Variants in UBXN2A observed in about 807,000 individuals in gnomAD.
The protein encoded by UBXN2A is UBX domain-containing protein 2A.
Under a neutral mutation model 28.4 loss-of-function variants are expected in UBXN2A, and 28 were observed. The ratio of observed to expected loss-of-function variants is 0.99; its 90% CI spans 0.73 to 1.35. The LOEUF is 1.35. Among genes scored for constraint, UBXN2A ranks in the 40% most tolerant of loss-of-function variants. UBXN2A has a pLI of 0.00. For synonymous variants in UBXN2A, 97 were observed against 103.6 expected (o/e 0.94, Z 0.39); for missense variants, 253 against 297.9 (o/e 0.85, Z 1.11).
intron 2 of UBXN2A, among the ~76,000 whole-genome samples, chr2:23,960,396 G>T (rs1190314253): frequency 6.6e-6 from 1 of 152,136 alleles, no homozygotes; most frequent in Non-Finnish European, 1.5e-5. Flanking sequence ...TGACTGATTT[G>T]AAATGGTAAA....
chr2:23,973,890 A>G (rs1414414542), intron 3 of UBXN2A, among the ~76,000 whole-genome samples: 1 of 152,036 alleles, frequency 6.6e-6, no homozygotes, highest in Non-Finnish European at 1.5e-5. Flanking sequence ...TCAGCCTCCC[A>G]AAGTGCTGGG....
intron 1 of UBXN2A, chr2:23,944,192 T>C: frequency 6.9e-7 from 1 of 1,455,482 alleles, no homozygotes; most frequent in Non-Finnish European, 9.6e-7. Flanking sequence ...TGGACACAAC[T>C]AAGTTTGCAC....
chr2:23,948,042 ACAGGGTTT>A (rs1573539204), intron 1 of UBXN2A, among the ~76,000 whole-genome samples: 1 of 151,638 alleles, frequency 6.6e-6, no homozygotes, highest in East Asian at 1.9e-4. Flanking sequence ...TTTAATAGAG[ACAGGGTTT>A]CATCATGTTG....
Position 23,984,832 on chromosome 2 carries a change from G to T in UBXN2A, c.584+1G>T. ...TCCAGAAATTTAACATTACTCATAG[G>T]TGAGTCTTCAATTTCAGTATTTGAT... On this transcript the variant is annotated splice_donor_variant, in intron 6 of 6. Coordinates refer to ENST00000309033, the MANE Select transcript of UBXN2A (RefSeq NM_181713.4). LOFTEE classifies it high-confidence loss of function. The T allele has an allele frequency of 6.5e-7, 1 of 1,543,594 alleles. No homozygotes were observed. The highest frequency in any genetic ancestry group is 8.6e-7 in the Non-Finnish European group (1 of 1,158,452).
intron 1 of UBXN2A, among the ~76,000 whole-genome samples, chr2:23,946,271 G>A (rs1022265859): frequency 2.0e-5 from 3 of 151,966 alleles, no homozygotes; most frequent in African/African-American, 7.3e-5. Context: ...TCCCGCCTCA[G>A]CCTCCTGAGT....
At chr2:23,996,434 A>G (rs1708534020) in intron 6 of UBXN2A, among the ~76,000 whole-genome samples, 1 of 148,230 alleles carries the variant, frequency 6.7e-6, no homozygotes, top group Non-Finnish European at 1.5e-5. Flanking sequence ...ATTGTTGTTC[A>G]ATTATGCCTT....
chr2:23,968,109 C>G (rs1707249473), intron 2 of UBXN2A, among the ~76,000 whole-genome samples: 1 of 152,142 alleles, frequency 6.6e-6, no homozygotes, highest in African/African-American at 2.4e-5. Flanking sequence ...GATAGCTATT[C>G]TCCATGACAG....
At chr2:23,979,208 G>A (rs1707796744) in intron 4 of UBXN2A, among the ~76,000 whole-genome samples, 2 of 151,780 alleles carry the variant, frequency 1.3e-5, no homozygotes, top group South Asian at 2.1e-4. Context: ...GCCGGGCATG[G>A]TAGCAGGCGC....
chr2:23,976,915 C>G (rs980161164), intron 3 of UBXN2A, 54 bp from the exon 4 acceptor site: 1 of 1,464,628 alleles, frequency 6.8e-7, no homozygotes, highest in Non-Finnish European at 9.5e-7. Flanking sequence ...AAAGGACTTT[C>G]AATCCTACTA....
At chr2:23,944,124 A>G in intron 1 of UBXN2A, 1 of 819,734 alleles carries the variant, frequency 1.2e-6, no homozygotes, top group South Asian at 1.3e-5. Flanking sequence ...TGTTACTCCC[A>G]GGAAAGTTTA....
chr2:23,991,999 G>T (rs1708372726), intron 6 of UBXN2A, among the ~76,000 whole-genome samples: 1 of 151,812 alleles, frequency 6.6e-6, no homozygotes, highest in African/African-American at 2.4e-5. Context: ...TTGAGATGGA[G>T]TCTTGCTCTG....
intron 4 of UBXN2A, among the ~76,000 whole-genome samples, chr2:23,982,449 T>C (rs1023846382): frequency 6.6e-6 from 1 of 152,106 alleles, no homozygotes; most frequent in Non-Finnish European, 1.5e-5. Context: ...CCTGGTGTAG[T>C]ATATAGTCAT....
intron 2 of UBXN2A, among the ~76,000 whole-genome samples, chr2:23,966,750 C>CTTTTT (rs70944704): frequency 1.3e-5 from 1 of 76,690 alleles, no homozygotes; most frequent in Non-Finnish European, 2.4e-5. Flanking sequence ...CGCGCCCGGC[C>CTTTTT]TTTTTTTTTT....
At chr2:23,951,301 A>G (rs973258757) in intron 1 of UBXN2A, among the ~76,000 whole-genome samples, 2 of 151,534 alleles carry the variant, frequency 1.3e-5, no homozygotes, top group Admixed American at 1.3e-4. Context: ...TTCAATATGT[A>G]TCCCAAGCAC....
At chr2:23,946,646 G>A (rs980031822) in intron 1 of UBXN2A, among the ~76,000 whole-genome samples, 21 of 152,008 alleles carry the variant, frequency 1.4e-4, no homozygotes, top group African/African-American at 5.1e-4. Context: ...AGTAGAGATG[G>A]AGTTTCACCA....
At chr2:23,993,172 C>T (rs1708412741) in intron 6 of UBXN2A, among the ~76,000 whole-genome samples, 1 of 152,130 alleles carries the variant, frequency 6.6e-6, no homozygotes, top group South Asian at 2.1e-4. Context: ...TAAATTCCTT[C>T]CAAATGAAGA....
intron 6 of UBXN2A, 29 bp from the exon 7 acceptor site, chr2:23,999,643 T>G: frequency 1.3e-6 from 2 of 1,578,060 alleles, no homozygotes; most frequent in Non-Finnish European, 1.7e-6. Context: ...TTTCCTAAAA[T>G]TATATTAATA....
Position 23,999,922 on chromosome 2 carries a change from T to C in UBXN2A, c.*55T>C. 1 of 1,569,912 alleles carries C rather than the reference T, an allele frequency of 6.4e-7. No individual in the cohort carries two copies. On this transcript the variant is annotated 3_prime_UTR_variant, in exon 7 of 7. Coordinates refer to ENST00000309033, the MANE Select transcript of UBXN2A (RefSeq NM_181713.4). ...GAGAAATGATGGTTGTAAGTGGACA[T>C]GCAAACCAAAATTGGGGATTGGAGA...
chr2:23,996,657 A>T (rs1308181726), intron 6 of UBXN2A: 1 of 147,060 alleles, frequency 6.8e-6, no homozygotes, highest in African/African-American at 2.5e-5. Context: ...TTGTATTTTT[A>T]GTAGAGATGG....
Sources: allele counts gnomAD v4.1 joint callset (sites outside exome capture counted in the v4.1 genomes callset), GRCh38; gene constraint gnomAD v4.1.1; transcripts MANE v1.5; gene names NCBI Gene and HGNC (gene_info 2026-07-23, HGNC 2026-07-21).